CFAP251: variants seen among roughly 807,000 people sequenced by gnomAD.
CFAP251 encodes the protein cilia and flagella associated protein 251.
In CFAP251, 93 loss-of-function variants were observed where a neutral mutation model predicts 126.7. That is an observed-to-expected ratio of 0.73 (90% CI 0.62 to 0.87). The LOEUF is 0.87. Among genes scored for constraint, CFAP251 ranks in the 40% least tolerant of loss-of-function variants. CFAP251 has a pLI of 0.00. For synonymous variants in CFAP251, 503 were observed against 506.9 expected (o/e 0.99, Z 0.10); for missense variants, 1,287 against 1,389.2 (o/e 0.93, Z 1.17).
rs2135737819 is a variant in CFAP251 at position 121,918,711 on chromosome 12, A to C, written c.-21+16A>C. 1 of 152,566 alleles carries C rather than the reference A, an allele frequency of 6.6e-6. No individual in the cohort carries two copies. The highest frequency in any genetic ancestry group is 2.4e-5 in the African/African-American group (1 of 41,556). The allele number at this position is 152,566 out of a possible 1,614,324, so 9.5% of individuals were successfully genotyped here. ...GAAGACCGGGGTGGGTGCTCTCTGT[A>C]AGTCCGGGGCGGAGGCCACGCGGCC... On this transcript the variant is annotated intron_variant, in intron 1 of 21. Transcript: ENST00000288912. The surrounding 1 kb of genome is among the most constrained non-coding windows in gnomAD (Gnocchi z 4.3).
chr12:121,926,504 C>T (rs1186736674), intron 3 of CFAP251, among the ~76,000 whole-genome samples: 2 of 151,782 alleles, frequency 1.3e-5, no homozygotes, highest in Non-Finnish European at 2.9e-5. Flanking sequence ...TTTTAAAAAT[C>T]TTTTTTAGAG....
At chr12:121,934,713 G>A (rs1880822276) in intron 5 of CFAP251, among the ~76,000 whole-genome samples, 1 of 152,140 alleles carries the variant, frequency 6.6e-6, no homozygotes, top group Non-Finnish European at 1.5e-5. Flanking sequence ...CGATCTGTTT[G>A]CCTGCCATGG....
intron 3 of CFAP251, among the ~76,000 whole-genome samples, chr12:121,928,648 ATATATATACG>A (rs879508896): frequency 0.12 from 5,948 of 48,466 alleles, 347 homozygotes; most frequent in Non-Finnish European, 0.25. Flanking sequence ...GTATATATAT[ATATATATACG>A]TATATATATA....
At chr12:121,990,772 C>G (rs1335286722) in intron 19 of CFAP251, among the ~76,000 whole-genome samples, 1 of 152,220 alleles carries the variant, frequency 6.6e-6, no homozygotes, top group East Asian at 1.9e-4. Context: ...CAGCCTTGTG[C>G]AACAGAACCT....
intron 1 of CFAP251, among the ~76,000 whole-genome samples, chr12:121,921,019 T>C (rs1029741369): frequency 7.9e-5 from 12 of 151,780 alleles, no homozygotes; most frequent in African/African-American, 2.7e-4. Context: ...CAGCTAATTT[T>C]TGTATTTTTA....
intron 4 of CFAP251, 164 bp downstream of exon 4, chr12:121,932,050 A>G: frequency 1.8e-6 from 1 of 551,662 alleles, no homozygotes; most frequent in Non-Finnish European, 2.8e-6. Context: ...GGTATTGTTT[A>G]TTGTCTCTCT....
intron 19 of CFAP251, chr12:121,992,511 C>G (rs1882899234): frequency 1.0e-6 from 1 of 984,828 alleles, no homozygotes; most frequent in South Asian, 4.7e-5. Flanking sequence ...GTCTCCTGTT[C>G]TGAACTGAGT....
intron 17 of CFAP251, among the ~76,000 whole-genome samples, chr12:121,973,376 C>T (rs764116406): frequency 6.6e-6 from 1 of 152,228 alleles, no homozygotes; most frequent in Non-Finnish European, 1.5e-5. Context: ...CCTCATGGAG[C>T]ACCTCTGCTA....
At position 121,974,022 on chromosome 12, in the gene CFAP251, C is replaced by T. The variant is rs1357767121; in HGVS notation, c.2772-1222C>T. Among the ~76,000 whole-genome samples the T allele has an allele frequency of 1.3e-5, 2 of 152,076 alleles. No homozygotes were observed. The highest frequency in any genetic ancestry group is 4.8e-5 in the African/African-American group (2 of 41,396). ...TGATATGGTTTGGCTGTGTCTCCAC[C>T]CAAATCTCATCTTGAATTGTACTCC... On this transcript the variant is annotated intron_variant, in intron 17 of 21. Coordinates refer to ENST00000288912, the MANE Select transcript of CFAP251 (RefSeq NM_144668.6). The surrounding 1 kb of genome is among the most constrained non-coding windows in gnomAD (Gnocchi z 4.6).
chr12:121,925,093 C>G (rs570640667), intron 3 of CFAP251, among the ~76,000 whole-genome samples: 1 of 152,048 alleles, frequency 6.6e-6, no homozygotes, highest in Non-Finnish European at 1.5e-5. Context: ...CTTCTTGCCT[C>G]ACCTCTTCTG....
chr12:122,002,509 C>T (rs1200457229), intron 21 of CFAP251, among the ~76,000 whole-genome samples: 3 of 151,802 alleles, frequency 2.0e-5, no homozygotes, highest in Non-Finnish European at 4.4e-5. Flanking sequence ...CACTGTACTC[C>T]AGCCTGGGCA....
Position 122,003,738 on chromosome 12 carries a change from G to A in CFAP251, c.3424G>A (p.Glu1142Lys), listed in dbSNP as rs1883196624. 1.2e-6 allele frequency: 2 copies of A among 1,609,270 alleles called. No homozygotes were observed. Among genetic ancestry groups the A allele is most frequent in the Non-Finnish European group, 8.5e-7 (1 of 1,178,580 alleles). The change falls in exon 22 of 22, where the codon GAA (glutamate) becomes AAA (lysine). Residue 1142 changes from glutamate (E) to lysine (K), a missense_variant. By Grantham distance (56) the Glu-to-Lys change is moderately conservative. Coordinates refer to ENST00000288912, the MANE Select transcript of CFAP251 (RefSeq NM_144668.6). ...ATEILGLTIS[E>K]DSGQDGQ The stretch of plus-strand genomic sequence containing the variant: ...TGAAATTCTTGGCTTAACCATTTCA[G>A]AAGATTCCGGCCAGGATGGTCAGTG...
rs566754953 is a variant in CFAP251, at chr12:121,967,477, T to C, written c.2607+408T>C. ...CAGCACTTTGGGAGGCCAAGGCGGG[T>C]GGATCACGAGGTCAGGAGATGGAGA... is the stretch of plus-strand genomic sequence containing the variant. On this transcript the variant is annotated intron_variant, in intron 16 of 21. Transcript: ENST00000288912. 1.4e-4 allele frequency among the ~76,000 whole-genome samples: 22 copies of C among 151,966 alleles called. No individual in the cohort carries two copies. The South Asian group carries it at 1.7e-3, about 11-fold the overall frequency.
rs11612332 is a variant in CFAP251 at position 121,955,272 on chromosome 12, C to T, written c.1535+938C>T. ...TCTCACCACTGCACTCCAGTCTGGG[C>T]GACAGAGTGAGACTCGGTCTCAAAA... On this transcript the variant is annotated intron_variant, in intron 10 of 21. Transcript: ENST00000288912. Among the ~76,000 whole-genome samples the T allele has an allele frequency of 3.1e-3, 472 of 152,100 alleles. 1 individual carries two copies. Among genetic ancestry groups the T allele is most frequent in the Admixed American group, 7.1e-3 (109 of 15,272 alleles).
intron 10 of CFAP251, among the ~76,000 whole-genome samples, chr12:121,954,653 A>AAAAAAC (rs1881658201): frequency 2.7e-5 from 4 of 149,350 alleles, no homozygotes; most frequent in Non-Finnish European, 6.0e-5. Flanking sequence ...AAAAAAAAAA[A>AAAAAAC]AAAAAAAAAA....
intron 5 of CFAP251, among the ~76,000 whole-genome samples, chr12:121,935,506 C>T (rs1880857884): frequency 6.6e-6 from 1 of 152,220 alleles, no homozygotes; most frequent in Non-Finnish European, 1.5e-5. Flanking sequence ...GCTCCTTAGG[C>T]TCTGCACGGC....
chr12:121,978,520 A>T (rs1230688338), intron 19 of CFAP251, among the ~76,000 whole-genome samples: 1 of 151,734 alleles, frequency 6.6e-6, no homozygotes, highest in Non-Finnish European at 1.5e-5. Flanking sequence ...AATTACTCAG[A>T]GATCATCACT....
chr12:121,979,862 G>C (rs976400933), intron 19 of CFAP251, among the ~76,000 whole-genome samples: 4 of 152,016 alleles, frequency 2.6e-5, no homozygotes, highest in South Asian at 2.1e-4. Context: ...CACCGTGCCC[G>C]GCCTCAGCCT....
intron 19 of CFAP251, among the ~76,000 whole-genome samples, chr12:121,984,679 C>T (rs928092266): frequency 2.0e-5 from 3 of 152,158 alleles, no homozygotes; most frequent in East Asian, 1.9e-4. Context: ...TAGGTGTCAT[C>T]GTTTCTACAG....
Sources: allele counts gnomAD v4.1 joint callset (sites outside exome capture counted in the v4.1 genomes callset), GRCh38; gene constraint gnomAD v4.1.1; non-coding constraint Gnocchi (gnomAD v3.1); transcripts MANE v1.5; gene names NCBI Gene and HGNC (gene_info 2026-07-23, HGNC 2026-07-21).